The following HACD4 variants were observed in gnomAD, a reference collection of about 807,000 sequenced individuals.
HACD4 encodes very-long-chain (3R)-3-hydroxyacyl-CoA dehydratase 4.
Under a neutral mutation model 33.3 loss-of-function variants are expected in HACD4, and 35 were observed. That is an observed-to-expected ratio of 1.05 (90% confidence interval 0.80 to 1.39). The LOEUF (loss-of-function observed/expected upper bound fraction) is 1.39, where lower values mean the gene tolerates loss of function less well. Among genes scored for constraint, HACD4 ranks in the 40% most tolerant of loss-of-function variants. The pLI is 0.00. For missense variants in HACD4, 323 were observed against 276.5 expected, an observed-to-expected ratio of 1.17 and a Z score of -1.19; for synonymous variants, 118 against 98.0, an observed-to-expected ratio of 1.20 and a Z score of -1.21.
At chr9:21,007,355 A>G (rs1431755890) in intron 6 of HACD4, among the ~76,000 whole-genome samples, 1 of 152,126 alleles carries the variant, frequency 6.6e-6, no homozygotes, top group Non-Finnish European at 1.5e-5. Flanking sequence ...TCTTTAGCAT[A>G]GCTCTCTCCA....
intron 2 of HACD4, among the ~76,000 whole-genome samples, chr9:21,027,095 T>C (rs779291080): frequency 3.9e-5 from 6 of 152,214 alleles, no homozygotes; most frequent in Admixed American, 3.3e-4. Context: ...AAGGACACTA[T>C]GTGCTCACAG....
intron 3 of HACD4, among the ~76,000 whole-genome samples, chr9:21,017,587 G>C (rs1446326262): frequency 6.6e-6 from 1 of 152,088 alleles, no homozygotes; most frequent in Non-Finnish European, 1.5e-5. Context: ...TTTGATCAGT[G>C]CTTGGTTATT....
chr9:21,020,029 T>G (rs1198609812), intron 3 of HACD4, among the ~76,000 whole-genome samples: 1 of 152,056 alleles, frequency 6.6e-6, no homozygotes, highest in African/African-American at 2.4e-5. Flanking sequence ...TTAGAGGGAT[T>G]TTTGACAAAC....
rs1005041564 is a variant in HACD4, at chr9:21,000,060, A to G, written c.*6977T>C. 2.0e-5 allele frequency: 3 copies of G among 152,300 alleles called. No individual in the cohort carries two copies. The highest frequency in any genetic ancestry group is 1.9e-4 in the East Asian group (1 of 5,186). 9.4% of individuals were successfully genotyped at this position (152,300 alleles called of 1,614,324 possible). On this transcript the variant is annotated 3_prime_UTR_variant, in exon 7 of 7. Coordinates refer to ENST00000495827, the MANE Select transcript of HACD4 (RefSeq NM_001010915.5). Reference sequence around the variant, plus strand: ...TCTCAAATCAAACCTAGTGCTCTTAATTCCAGACCACATTATCTTTCACAA... The same window carrying G: ...TCTCAAATCAAACCTAGTGCTCTTAGTTCCAGACCACATTATCTTTCACAA...
At chr9:21,025,162 CCTAA>C (rs1328467536) in intron 3 of HACD4, among the ~76,000 whole-genome samples, 2 of 152,042 alleles carry the variant, frequency 1.3e-5, no homozygotes, top group Non-Finnish European at 2.9e-5. Context: ...ACACCATTAC[CCTAA>C]CTTTTATTTT....
rs1385945123 is a variant in HACD4 at position 21,031,488 on chromosome 9, G to A, written c.38+65C>T. 2.8e-6 allele frequency: 4 copies of A among 1,430,004 alleles called. No homozygotes were observed. In the African/African-American group the frequency reaches 4.5e-5, roughly 16 times the overall value. 88.6% of individuals were successfully genotyped at this position (1,430,004 alleles called of 1,614,324 possible). A position where few individuals can be genotyped will look rare whatever the true frequency, so the allele number is the denominator to read the frequency against. On this transcript the variant is annotated intron_variant, in intron 1 of 6. Coordinates refer to ENST00000495827, the MANE Select transcript of HACD4 (RefSeq NM_001010915.5). ...GCCGCCCGCCCGCCCGCCGCAGAGG[G>A]GAGCTCCCGCCTCCAGGCCCTCCAC...
intron 1 of HACD4, 125 bp downstream of exon 1, chr9:21,031,428 A>G (rs1307843266): frequency 3.8e-6 from 5 of 1,326,146 alleles, no homozygotes; most frequent in Non-Finnish European, 4.8e-6. Context: ...GTGCCTGGGC[A>G]CGGTAGCGCT....
intron 3 of HACD4, among the ~76,000 whole-genome samples, chr9:21,018,867 T>G (rs1490923228): frequency 6.6e-6 from 1 of 152,150 alleles, no homozygotes; most frequent in Non-Finnish European, 1.5e-5. Flanking sequence ...AAATTGAAAC[T>G]AAGTTGTTAC....
rs1443182583 is a variant in HACD4, at chr9:21,005,914, T to C, written c.*1123A>G. On this transcript the variant is annotated 3_prime_UTR_variant, in exon 7 of 7. Coordinates refer to ENST00000495827, the MANE Select transcript of HACD4 (RefSeq NM_001010915.5). The surrounding 1 kb of genome is among the most constrained non-coding windows in gnomAD (Gnocchi z 4.0). Reference sequence around the variant, plus strand: ...TGTCCACCCTTTGTGTGTCCCACCATTGTACTGTGGAAGCACATAACTTGT... The same window carrying C: ...TGTCCACCCTTTGTGTGTCCCACCACTGTACTGTGGAAGCACATAACTTGT... 1 of 152,238 alleles carries C rather than the reference T, an allele frequency of 6.6e-6. No individual in the cohort carries two copies. The highest frequency in any genetic ancestry group is 1.9e-4 in the East Asian group (1 of 5,194). The allele number at this position is 152,238 out of a possible 1,614,324, so 9.4% of individuals were successfully genotyped here.
intron 1 of HACD4, 34 bp downstream of exon 1, chr9:21,031,519 C>T (rs765806726): frequency 6.9e-7 from 1 of 1,457,786 alleles, no homozygotes; most frequent in South Asian, 1.3e-5. Context: ...TCCACCCGCG[C>T]CCCCTCCCCT....
At chr9:21,026,138 TG>T (rs1165584256) in intron 3 of HACD4, among the ~76,000 whole-genome samples, 5 of 152,236 alleles carry the variant, frequency 3.3e-5, no homozygotes, top group Non-Finnish European at 5.9e-5. Context: ...GGAAGCCTTT[TG>T]TTTTTTAATC....
intron 5 of HACD4, among the ~76,000 whole-genome samples, chr9:21,010,785 G>A (rs1842401993): frequency 6.6e-6 from 1 of 152,098 alleles, no homozygotes; most frequent in Admixed American, 6.6e-5. Context: ...GGTTTCATCT[G>A]GGGGTGATGG....
intron 3 of HACD4, among the ~76,000 whole-genome samples, chr9:21,020,697 T>C (rs1413057945): frequency 6.6e-6 from 1 of 152,200 alleles, no homozygotes; most frequent in Non-Finnish European, 1.5e-5. Flanking sequence ...TGGACCATTT[T>C]AACTTTTCCA....
At chr9:21,022,815 C>G (rs180911345) in intron 3 of HACD4, among the ~76,000 whole-genome samples, 1,617 of 152,040 alleles carry the variant, frequency 0.011, 22 homozygotes, top group African/African-American at 0.037. Flanking sequence ...TGTGGCGATT[C>G]CTCAAGGATC....
chr9:21,014,118 T>G (rs1289642063), intron 4 of HACD4, among the ~76,000 whole-genome samples: 1 of 152,190 alleles, frequency 6.6e-6, no homozygotes, highest in African/African-American at 2.4e-5. Flanking sequence ...TGCTCATTAC[T>G]TAGGAAAAAT....
At chr9:21,011,780 G>A (rs1382852658) in intron 4 of HACD4, 85 bp from the exon 5 acceptor site, 2 of 676,442 alleles carry the variant, frequency 3.0e-6, no homozygotes, top group African/African-American at 3.7e-5. Context: ...TAAATACAGA[G>A]ATACAACTGG....
intron 5 of HACD4, among the ~76,000 whole-genome samples, chr9:21,009,798 C>T (rs965485943): frequency 6.6e-6 from 1 of 152,144 alleles, no homozygotes; most frequent in Non-Finnish European, 1.5e-5. Context: ...TGACCAACAG[C>T]TCCCAATTTC....
At chr9:21,025,375 T>C (rs1818035710) in intron 3 of HACD4, among the ~76,000 whole-genome samples, 1 of 149,138 alleles carries the variant, frequency 6.7e-6, no homozygotes, top group African/African-American at 2.5e-5. Flanking sequence ...TCTATACCAC[T>C]CTTTCATTTA....
In HACD4 at chr9:21,002,921, T is replaced by A. The variant is rs1360660925; in HGVS notation, c.*4116A>T. On this transcript the variant is annotated 3_prime_UTR_variant, in exon 7 of 7. Transcript: ENST00000495827. ...CTTTGCGATTTTGGTAACATCCGATTAACCAGATAGTTACTGTCTTGACTT... is the reference window on the plus strand; with the variant it reads ...CTTTGCGATTTTGGTAACATCCGATAAACCAGATAGTTACTGTCTTGACTT... 1 of 152,186 alleles carries A rather than the reference T, an allele frequency of 6.6e-6. No individual in the cohort carries two copies. The highest frequency in any genetic ancestry group is 1.9e-4 in the East Asian group (1 of 5,204). 9.4% of individuals were successfully genotyped at this position (152,186 alleles called of 1,614,324 possible).
Sources: gnomAD v4.1 joint callset for allele counts (sites outside exome capture counted in the v4.1 genomes callset) on GRCh38, gnomAD v4.1.1 for gene constraint, Gnocchi (gnomAD v3.1) non-coding constraint, MANE v1.5 for transcripts, NCBI Gene and HGNC (gene_info 2026-07-23, HGNC 2026-07-21) for gene names.